Variants in FBXO16 observed in about 807,000 individuals in gnomAD.
The protein encoded by FBXO16 is F-box only protein 16.
A neutral mutation model predicts 41.0 loss-of-function variants in FBXO16; 31 were observed. The observed-to-expected ratio is 0.76, with a 90% confidence interval of 0.57 to 1.02. The LOEUF (loss-of-function observed/expected upper bound fraction) is 1.02, where lower values mean the gene tolerates loss of function less well. Ranked by LOEUF, FBXO16 falls within the 50% of genes least tolerant of loss-of-function variation. FBXO16 has a pLI of 0.00. For missense variants in FBXO16, 361 were observed against 346.2 expected (o/e 1.04, Z -0.34); for synonymous variants, 133 against 117.8 (o/e 1.13, Z -0.84).
chr8:28,469,490 G>A (rs1403106963), intron 3 of FBXO16, among the ~76,000 whole-genome samples: 1 of 152,122 alleles, frequency 6.6e-6, no homozygotes, highest in African/African-American at 2.4e-5. Context: ...GCACCACCAT[G>A]CCTGGAAGAT....
At chr8:28,470,375 T>C (rs1380082867) in intron 3 of FBXO16, among the ~76,000 whole-genome samples, 2 of 152,134 alleles carry the variant, frequency 1.3e-5, no homozygotes, top group Non-Finnish European at 2.9e-5. Flanking sequence ...ACCTTTCCAA[T>C]AGGAAGAAAG....
chr8:28,484,945 G>T (rs1469067703), intron 1 of FBXO16, among the ~76,000 whole-genome samples: 1 of 151,922 alleles, frequency 6.6e-6, no homozygotes, highest in South Asian at 2.1e-4. Context: ...ACACGATCTC[G>T]GCTCACCACA....
intron 7 of FBXO16, among the ~76,000 whole-genome samples, chr8:28,444,140 C>T (rs2130105864): frequency 6.6e-6 from 1 of 152,136 alleles, no homozygotes; most frequent in East Asian, 1.9e-4. Flanking sequence ...CAAATGAATA[C>T]ATGATTTTCT....
intron 2 of FBXO16, among the ~76,000 whole-genome samples, chr8:28,481,947 G>A (rs1266553982): frequency 6.6e-6 from 1 of 152,176 alleles, no homozygotes; most frequent in African/African-American, 2.4e-5. Flanking sequence ...CTGACTTACT[G>A]CTTACTATGA....
chr8:28,472,783 T>G (rs1024383966), intron 3 of FBXO16, among the ~76,000 whole-genome samples: 1 of 152,128 alleles, frequency 6.6e-6, no homozygotes. Flanking sequence ...ATCACCATAT[T>G]TCTCCTTTGA....
At chr8:28,481,584 G>C (rs1436705365) in intron 2 of FBXO16, among the ~76,000 whole-genome samples, 1 of 151,852 alleles carries the variant, frequency 6.6e-6, no homozygotes, top group Non-Finnish European at 1.5e-5. Flanking sequence ...GGCTGAGGCG[G>C]GTGGATCATG....
At chr8:28,454,284 T>C (rs1803001016) in intron 5 of FBXO16, among the ~76,000 whole-genome samples, 1 of 151,956 alleles carries the variant, frequency 6.6e-6, no homozygotes, top group Non-Finnish European at 1.5e-5. Flanking sequence ...GAATGGACAT[T>C]CATTTCATTT....
intron 4 of FBXO16, among the ~76,000 whole-genome samples, chr8:28,457,170 A>G (rs1258426387): frequency 6.6e-6 from 1 of 152,200 alleles, no homozygotes; most frequent in Non-Finnish European, 1.5e-5. Flanking sequence ...GTCAATTAAC[A>G]TTTATGGAGC....
intron 2 of FBXO16, among the ~76,000 whole-genome samples, chr8:28,475,358 C>T (rs1031119986): frequency 6.6e-6 from 1 of 152,198 alleles, no homozygotes; most frequent in African/African-American, 2.4e-5. Context: ...CTGTCACAGA[C>T]AGACACTTTT....
At chr8:28,466,906 A>G (rs1388760207) in intron 3 of FBXO16, among the ~76,000 whole-genome samples, 1 of 152,100 alleles carries the variant, frequency 6.6e-6, no homozygotes, top group Non-Finnish European at 1.5e-5. Context: ...CTTGAAAGAG[A>G]CAAAATGAAG....
chr8:28,451,728 A>G (rs562533605), intron 6 of FBXO16, among the ~76,000 whole-genome samples: 1 of 152,176 alleles, frequency 6.6e-6, no homozygotes, highest in Non-Finnish European at 1.5e-5. Context: ...CATGCCTGTA[A>G]TCCCAGCACT....
chr8:28,464,660 AT>A (rs887336206), intron 3 of FBXO16, among the ~76,000 whole-genome samples: 28 of 149,552 alleles, frequency 1.9e-4, no homozygotes, highest in East Asian at 3.9e-4. Context: ...TATAAACAGA[AT>A]TTTTTTTTTT....
chr8:28,478,737 C>G (rs769686715), intron 2 of FBXO16, among the ~76,000 whole-genome samples: 1 of 149,910 alleles, frequency 6.7e-6, no homozygotes, highest in Non-Finnish European at 1.5e-5. Context: ...GCAGGAGAAT[C>G]GCTTGAACTG....
intron 1 of FBXO16, among the ~76,000 whole-genome samples, chr8:28,488,261 T>A (rs1803634208): frequency 6.7e-6 from 1 of 150,332 alleles, no homozygotes. Context: ...ATGGGTCCCC[T>A]GGCCACATAC....
intron 3 of FBXO16, among the ~76,000 whole-genome samples, chr8:28,465,765 T>C (rs927335010): frequency 2.6e-5 from 4 of 152,210 alleles, no homozygotes; most frequent in East Asian, 1.9e-4. Flanking sequence ...TTCAGATTGG[T>C]TGCTGTGAAT....
At chr8:28,471,398 A>G (rs1803331679) in intron 3 of FBXO16, among the ~76,000 whole-genome samples, 1 of 151,918 alleles carries the variant, frequency 6.6e-6, no homozygotes, top group South Asian at 2.1e-4. Context: ...AAACACTGGT[A>G]TCCTTATTTC....
chr8:28,440,549 C>A (rs1353508722), intron 7 of FBXO16, among the ~76,000 whole-genome samples: 1 of 152,142 alleles, frequency 6.6e-6, no homozygotes, highest in African/African-American at 2.4e-5. Flanking sequence ...AGAGTATATT[C>A]CTGTGTGTGG....
intron 8 of FBXO16, 29 bp downstream of exon 8, chr8:28,429,349 C>T: frequency 6.2e-7 from 1 of 1,612,768 alleles, no homozygotes; most frequent in Non-Finnish European, 8.5e-7. Context: ...AGGCAAATGT[C>T]ACAGGTTGAT....
intron 2 of FBXO16, among the ~76,000 whole-genome samples, chr8:28,474,040 A>T (rs2130181952): frequency 6.6e-6 from 1 of 152,132 alleles, no homozygotes; most frequent in South Asian, 2.1e-4. Context: ...AAGAAGTAAT[A>T]AGGCTGGGTT....
Sources: gnomAD v4.1 joint callset for allele counts (sites outside exome capture counted in the v4.1 genomes callset) on GRCh38, gnomAD v4.1.1 for gene constraint, MANE v1.5 for transcripts, NCBI Gene and HGNC (gene_info 2026-07-23, HGNC 2026-07-21) for gene names.